NRCAM: variants seen among roughly 807,000 people sequenced by gnomAD.
NRCAM encodes NgCAM-related cell adhesion molecule.
In NRCAM, 83 loss-of-function variants were observed where a neutral mutation model predicts 156.5. The ratio of observed to expected loss-of-function variants is 0.53; its 90% confidence interval spans 0.44 to 0.64. The LOEUF is 0.64. NRCAM is among the 30% of genes least tolerant of loss of function. The pLI, the probability that NRCAM is intolerant of heterozygous loss-of-function variation, is 0.00. For missense variants in NRCAM, 1,417 were observed against 1,597.3 expected (o/e 0.89, Z 1.92); for synonymous variants, 538 against 563.9 (o/e 0.95, Z 0.65).
chr7:108,310,071 G>A (rs2098780895), intron 3 of NRCAM, among the ~76,000 whole-genome samples: 1 of 152,082 alleles, frequency 6.6e-6, no homozygotes, highest in Non-Finnish European at 1.5e-5. Context: ...AAGTCCAAGG[G>A]AAAGAACAAA....
chr7:108,394,604 C>G (rs1231004222), intron 2 of NRCAM, among the ~76,000 whole-genome samples: 10 of 152,010 alleles, frequency 6.6e-5, no homozygotes, highest in Middle Eastern at 3.2e-3. Context: ...AACATGAAAC[C>G]CCTGATAGCA....
At chr7:108,187,613 A>G (rs554399879) in intron 20 of NRCAM, among the ~76,000 whole-genome samples, 6 of 152,210 alleles carry the variant, frequency 3.9e-5, no homozygotes, top group Non-Finnish European at 7.3e-5. Flanking sequence ...ATAGATATAT[A>G]TGAGTTTGAG....
At chr7:108,323,969 G>A (rs1048411301) in intron 2 of NRCAM, among the ~76,000 whole-genome samples, 1 of 152,060 alleles carries the variant, frequency 6.6e-6, no homozygotes, top group Non-Finnish European at 1.5e-5. Context: ...CTCTTTGCCT[G>A]TCTTAGAACA....
intron 3 of NRCAM, among the ~76,000 whole-genome samples, chr7:108,288,266 T>C (rs987086406): frequency 3.3e-5 from 5 of 152,032 alleles, no homozygotes; most frequent in Non-Finnish European, 5.9e-5. Flanking sequence ...GGATGAGGGA[T>C]GAAAAATTAC....
chr7:108,345,779 T>A (rs1172351110), intron 2 of NRCAM, among the ~76,000 whole-genome samples: 1 of 152,194 alleles, frequency 6.6e-6, no homozygotes, highest in Non-Finnish European at 1.5e-5. Flanking sequence ...AAGTTTCTAT[T>A]GTTTAAGCCA....
At chr7:108,242,258 CAA>C (rs11413420) in intron 3 of NRCAM, among the ~76,000 whole-genome samples, 1 of 98,528 alleles carries the variant, frequency 1.0e-5, no homozygotes. Flanking sequence ...GACCCCGTCT[CAA>C]AAAAAAAAAA....
chr7:108,164,201 G>A (rs2051906277), intron 30 of NRCAM, among the ~76,000 whole-genome samples: 2 of 148,372 alleles, frequency 1.3e-5, no homozygotes, highest in South Asian at 4.3e-4. Context: ...ATACCAGGTG[G>A]GGTGGGGTAG....
chr7:108,190,472 T>C (rs2070581533), intron 19 of NRCAM, among the ~76,000 whole-genome samples: 1 of 152,160 alleles, frequency 6.6e-6, no homozygotes, highest in African/African-American at 2.4e-5. Context: ...CATACAAATA[T>C]ATGTGCTTTT....
rs531292292 is a variant in NRCAM, at chr7:108,359,556, A to AT, written c.-174+39879dup. Among the ~76,000 whole-genome samples the AT allele has an allele frequency of 2.6e-5, 4 of 152,126 alleles. No homozygotes were observed. The South Asian group carries it at 6.2e-4, about 24-fold the overall frequency. On this transcript the variant is annotated intron_variant, in intron 2 of 32. Coordinates refer to ENST00000379028, the MANE Select transcript of NRCAM (RefSeq NM_001037132.4). ...GAACACGTGTGAGAAAGAAAATCTC[A>AT]TTTTTCTGGAACACAGGGCATAGAA...
rs578121851 is a variant in NRCAM at position 108,281,172 on chromosome 7, T to C, written c.-107+31493A>G. Among the ~76,000 whole-genome samples, 6 of 152,296 alleles carry C rather than the reference T, an allele frequency of 3.9e-5. No individual in the cohort carries two copies. The South Asian group carries it at 1.2e-3, about 32-fold the overall frequency. ...AATCTACCTTTTCCTCTTAACCTGA[T>C]GAAATGAGCAAAATTCAATACCTGA... On this transcript the variant is annotated intron_variant, in intron 3 of 32. Transcript: ENST00000379028.
intron 32 of NRCAM, among the ~76,000 whole-genome samples, chr7:108,151,176 G>C (rs1235540844): frequency 6.6e-6 from 1 of 152,080 alleles, no homozygotes; most frequent in East Asian, 1.9e-4. Context: ...CAAATACCTA[G>C]TTATGCATAT....
chr7:108,154,342 ATTGC>A (rs2043561697), intron 32 of NRCAM, among the ~76,000 whole-genome samples: 2 of 152,186 alleles, frequency 1.3e-5, no homozygotes, highest in Admixed American at 6.6e-5. Flanking sequence ...TTATTTTCCA[ATTGC>A]TTGCTGATAC....
chr7:108,209,774 C>T (rs995251325), intron 11 of NRCAM, among the ~76,000 whole-genome samples, 169 bp from the exon 12 acceptor site: 7 of 152,244 alleles, frequency 4.6e-5, no homozygotes, highest in Non-Finnish European at 8.8e-5. Context: ...CACAGTTTTA[C>T]GTTTTCACAT....
intron 28 of NRCAM, among the ~76,000 whole-genome samples, chr7:108,173,428 T>C (rs1408033746): frequency 6.6e-6 from 1 of 152,150 alleles, no homozygotes; most frequent in Non-Finnish European, 1.5e-5. Context: ...AGAACTTCAA[T>C]TTTTCTCCTG....
At chr7:108,266,457 C>G (rs1399428484) in intron 3 of NRCAM, among the ~76,000 whole-genome samples, 2 of 152,236 alleles carry the variant, frequency 1.3e-5, no homozygotes, top group Non-Finnish European at 2.9e-5. Flanking sequence ...GTCATCTGCT[C>G]TGTCTCCAAA....
intron 13 of NRCAM, among the ~76,000 whole-genome samples, chr7:108,203,973 C>A (rs960079571): frequency 2.0e-5 from 3 of 152,140 alleles, no homozygotes; most frequent in African/African-American, 7.2e-5. Context: ...GCAGACTGTG[C>A]CCTCAGTTCC....
intron 3 of NRCAM, among the ~76,000 whole-genome samples, chr7:108,254,716 G>GT (rs548756412): frequency 5.9e-5 from 9 of 151,878 alleles, no homozygotes; most frequent in Middle Eastern, 3.4e-3. Flanking sequence ...TACCCACCTA[G>GT]TTTTTTTTAT....
At chr7:108,444,533 T>C (rs1396380088) in intron 1 of NRCAM, among the ~76,000 whole-genome samples, 1 of 152,180 alleles carries the variant, frequency 6.6e-6, no homozygotes, top group Non-Finnish European at 1.5e-5. Flanking sequence ...GATCCAGGTG[T>C]CCGCAGGGTT....
chr7:108,405,355 C>T (rs1041024061), intron 1 of NRCAM, among the ~76,000 whole-genome samples: 1 of 152,202 alleles, frequency 6.6e-6, no homozygotes, highest in African/African-American at 2.4e-5. Flanking sequence ...ATGAAAAAGG[C>T]AGGAGCCAGG....
Sources: allele counts gnomAD v4.1 joint callset (sites outside exome capture counted in the v4.1 genomes callset), GRCh38; gene constraint gnomAD v4.1.1; transcripts MANE v1.5; gene names NCBI Gene and HGNC (gene_info 2026-07-23, HGNC 2026-07-21).